KBTBD11: variants seen among roughly 807,000 people sequenced by gnomAD.
The protein encoded by KBTBD11 is kelch repeat and BTB domain-containing protein 11.
For missense variants in KBTBD11, 1,390 were observed against 1,001.8 expected (o/e 1.39, Z -5.23); for synonymous variants, 747 against 499.0 (o/e 1.50, Z -6.63).
chr8:1,979,761 CAG>C (rs148171163), intron 1 of KBTBD11, among the ~76,000 whole-genome samples: 86,379 of 150,018 alleles, frequency 0.58, 25,387 homozygotes, highest in East Asian at 0.81. Flanking sequence ...GTGTGGCAGA[CAG>C]GGGTGTGTGG....
At chr8:1,988,656 A>G (rs1234598345) in intron 1 of KBTBD11, among the ~76,000 whole-genome samples, 3 of 152,108 alleles carry the variant, frequency 2.0e-5, no homozygotes, top group Admixed American at 6.5e-5. Flanking sequence ...AGTCTCTTCA[A>G]GCCTTTGTCC....
chr8:2,001,328 G>A lies in KBTBD11; in HGVS notation c.136G>A (p.Gly46Arg). ...SLGASLCFSS[G>R]EESPPQSLAS... ...CGGCGCGTCCCTGTGCTTCAGCTCCGGGGAAGAGTCCCCGCCGCAGTCCCT... is the reference window on the plus strand; with the variant it reads ...CGGCGCGTCCCTGTGCTTCAGCTCCAGGGAAGAGTCCCCGCCGCAGTCCCT... Residue 46 changes from glycine to arginine, a missense_variant, in exon 2 of 2, where the codon GGG (glycine) becomes AGG (arginine). Gly to Arg is a moderately radical substitution (Grantham distance 125, BLOSUM62 -2). Coordinates refer to ENST00000320248, the MANE Select transcript of KBTBD11 (RefSeq NM_014867.3). 1 of 1,516,678 alleles carries A rather than the reference G, an allele frequency of 6.6e-7. No homozygotes were observed. The highest frequency in any genetic ancestry group is 8.8e-7 in the Non-Finnish European group (1 of 1,140,198). 94.0% of individuals were successfully genotyped at this position (1,516,678 alleles called of 1,614,324 possible).
chr8:1,997,213 C>G (rs1162550135), intron 1 of KBTBD11, among the ~76,000 whole-genome samples: 1 of 152,118 alleles, frequency 6.6e-6, no homozygotes, highest in Non-Finnish European at 1.5e-5. Context: ...TAGTGGAATT[C>G]TGATTCTGGA....
chr8:1,993,548 CCCACCCACCCATCCAT>C (rs1377455228), intron 1 of KBTBD11, among the ~76,000 whole-genome samples: 3,316 of 99,660 alleles, frequency 0.033, 64 homozygotes, highest in Non-Finnish European at 0.046. Flanking sequence ...CACCCACCCA[CCCACCCACCCATCCAT>C]CCATCCATCC....
chr8:1,984,735 G>C (rs10097431), intron 1 of KBTBD11, among the ~76,000 whole-genome samples: 1 of 152,136 alleles, frequency 6.6e-6, no homozygotes, highest in African/African-American at 2.4e-5. Context: ...AGATGTGGCA[G>C]ACTTTTGAAA....
intron 1 of KBTBD11, among the ~76,000 whole-genome samples, chr8:1,982,229 C>T (rs1816561714): frequency 6.6e-6 from 1 of 151,944 alleles, no homozygotes; most frequent in South Asian, 2.1e-4. Flanking sequence ...CTCATGGTGA[C>T]CACAAAGCAA....
intron 1 of KBTBD11, among the ~76,000 whole-genome samples, chr8:1,980,227 A>AGTTT (rs1816493598): frequency 3.3e-5 from 2 of 60,440 alleles, no homozygotes; most frequent in Admixed American, 1.9e-4. Context: ...TGATAATCAA[A>AGTTT]CTTTTTTTTT....
intron 1 of KBTBD11, chr8:1,974,927 C>G (rs542024161): frequency 6.3e-6 from 1 of 159,876 alleles, no homozygotes; most frequent in African/African-American, 2.4e-5. Context: ...CAGCCATCCC[C>G]TCAGGCCCTG....
intron 1 of KBTBD11, among the ~76,000 whole-genome samples, chr8:1,992,163 C>T (rs1816943079): frequency 1.3e-5 from 2 of 152,098 alleles, no homozygotes; most frequent in Admixed American, 6.5e-5. Flanking sequence ...AGGTTCCTGC[C>T]GGGCTTTGTC....
chr8:2,001,502 G>A lies in KBTBD11; in HGVS notation c.310G>A (p.Ala104Thr). ...GGAGCGCGCGTGCCCGGAAGAGCCC[G>A]CGGCGCCGTCCCCCGAACCGCGCGT... ...PEERACPEEP[A>T]APSPEPRVWL... The change falls in exon 2 of 2, where the codon GCG becomes ACG. Residue 104 changes from alanine (A) to threonine (T), a missense_variant. Ala to Thr is a moderately conservative substitution (Grantham distance 58). Coordinates refer to ENST00000320248, the MANE Select transcript of KBTBD11 (RefSeq NM_014867.3). The A allele has an allele frequency of 7.2e-7, 1 of 1,393,380 alleles. No homozygotes were observed. Among genetic ancestry groups the A allele is most frequent in the African/African-American group, 1.5e-5 (1 of 65,830 alleles). 86.3% of individuals were successfully genotyped at this position (1,393,380 alleles called of 1,614,324 possible). A position where few individuals can be genotyped will look rare whatever the true frequency, so the allele number is the denominator to read the frequency against.
intron 1 of KBTBD11, 30 bp downstream of exon 1, chr8:1,973,965 G>C: frequency 3.1e-6 from 3 of 983,376 alleles, no homozygotes; most frequent in Non-Finnish European, 3.6e-6. Context: ...GGCAGCGGCG[G>C]GGCCTGGCGG....
chr8:2,002,282 G>C lies in KBTBD11; in HGVS notation c.1090G>C (p.Ala364Pro). The stretch of plus-strand genomic sequence containing the variant: ...CGTCCTCTACAACTACCTCTTCGTG[G>C]CGGGCGGCGTGGCGCCCGCGGGCCC... ...LCVLYNYLFV[A>P]GGVAPAGPDG... Residue 364 changes from alanine (A) to proline (P), a missense_variant, in exon 2 of 2, where the codon GCG (alanine) becomes CCG (proline). By Grantham distance (27) the Ala-to-Pro change is conservative. Transcript: ENST00000320248. The surrounding 1 kb of genome is among the most constrained non-coding windows in gnomAD (Gnocchi z 4.1). The C allele has an allele frequency of 3.0e-6, 4 of 1,326,064 alleles. No homozygotes were observed. The highest frequency in any genetic ancestry group is 3.8e-6 in the Non-Finnish European group (4 of 1,046,856). The allele number at this position is 1,326,064 out of a possible 1,614,324, so 82.1% of individuals were successfully genotyped here.
chr8:1,984,086 C>T (rs915479550), intron 1 of KBTBD11, among the ~76,000 whole-genome samples: 16 of 152,074 alleles, frequency 1.1e-4, no homozygotes, highest in Non-Finnish European at 1.3e-4. Context: ...GCCAAGATCG[C>T]GCCATTGCCT....
At chr8:1,990,159 G>A (rs370170395) in intron 1 of KBTBD11, among the ~76,000 whole-genome samples, 3 of 152,360 alleles carry the variant, frequency 2.0e-5, no homozygotes, top group African/African-American at 2.4e-5. Flanking sequence ...GACAGTTGCC[G>A]GGAAGATGCC....
intron 1 of KBTBD11, among the ~76,000 whole-genome samples, chr8:1,975,658 A>T (rs1816312936): frequency 6.6e-6 from 1 of 152,188 alleles, no homozygotes. Context: ...TCGTGACTGT[A>T]TTTAAGCCAG....
chr8:1,999,553 A>C (rs11986732), intron 1 of KBTBD11, among the ~76,000 whole-genome samples: 1 of 151,972 alleles, frequency 6.6e-6, no homozygotes, highest in East Asian at 1.9e-4. Flanking sequence ...ATTGTATTCT[A>C]TAATGCATCT....
At chr8:1,987,642 C>G (rs981197781) in intron 1 of KBTBD11, among the ~76,000 whole-genome samples, 1 of 152,136 alleles carries the variant, frequency 6.6e-6, no homozygotes, top group African/African-American at 2.4e-5. Context: ...CTCTCTCATG[C>G]TGCAGCATAA....
intron 1 of KBTBD11, among the ~76,000 whole-genome samples, chr8:1,991,307 G>A (rs1243244512): frequency 2.6e-5 from 4 of 152,210 alleles, no homozygotes; most frequent in Admixed American, 6.5e-5. Context: ...TGAAGTAGGC[G>A]TTTGCTTTTA....
chr8:1,987,108 G>C (rs533774090), intron 1 of KBTBD11, among the ~76,000 whole-genome samples: 1 of 151,450 alleles, frequency 6.6e-6, no homozygotes, highest in South Asian at 2.1e-4. Flanking sequence ...TGGAAGCCCT[G>C]TGGTCCCGTC....
Sources: allele counts gnomAD v4.1 joint callset (sites outside exome capture counted in the v4.1 genomes callset), GRCh38; gene constraint gnomAD v4.1.1; non-coding constraint Gnocchi (gnomAD v3.1); transcripts MANE v1.5; gene names NCBI Gene and HGNC (gene_info 2026-07-23, HGNC 2026-07-21).